Variants in FBLN2 observed in about 807,000 individuals in gnomAD.
The protein encoded by FBLN2 is fibulin-2.
A neutral mutation model predicts 123.7 loss-of-function variants in FBLN2; 81 were observed. The observed-to-expected ratio is 0.65, with a 90% CI of 0.55 to 0.79. The LOEUF (loss-of-function observed/expected upper bound fraction) is 0.79, where lower values mean the gene tolerates loss of function less well. Ranked by LOEUF, FBLN2 falls within the 30% of genes least tolerant of loss-of-function variation. The probability of loss-of-function intolerance (pLI) is 0.00; values close to 1 mark genes in which losing one functional copy is unlikely to be tolerated. For synonymous variants in FBLN2, 699 were observed against 701.4 expected, an observed-to-expected ratio of 1.00 and a Z score of 0.05; for missense variants, 1,603 against 1,681.3, an observed-to-expected ratio of 0.95 and a Z score of 0.81.
chr3:13,623,289 C>T (rs573460542), intron 9 of FBLN2, among the ~76,000 whole-genome samples: 11 of 152,336 alleles, frequency 7.2e-5, no homozygotes, highest in African/African-American at 1.2e-4. Flanking sequence ...TGCCCTCTCG[C>T]GGTGCCTGAG....
chr3:13,590,901 G>C (rs1304108034), intron 2 of FBLN2, among the ~76,000 whole-genome samples: 1 of 152,204 alleles, frequency 6.6e-6, no homozygotes, highest in Non-Finnish European at 1.5e-5. Flanking sequence ...GGAAGACTTA[G>C]GCATCCATGT....
intron 1 of FBLN2, among the ~76,000 whole-genome samples, chr3:13,555,037 C>T (rs1703425866): frequency 6.6e-6 from 1 of 151,642 alleles, no homozygotes; most frequent in African/African-American, 2.4e-5. Context: ...ACTGCAACCT[C>T]TGCCTCCCAG....
At chr3:13,597,518 C>G (rs1463199219) in intron 2 of FBLN2, among the ~76,000 whole-genome samples, 1 of 152,126 alleles carries the variant, frequency 6.6e-6, no homozygotes, top group East Asian at 1.9e-4. Context: ...TGCAGTATTC[C>G]CCTGTGACCT....
intron 1 of FBLN2, among the ~76,000 whole-genome samples, chr3:13,565,612 C>T (rs11712958): frequency 0.2 from 30,711 of 152,196 alleles, 3,291 homozygotes; most frequent in South Asian, 0.36. Flanking sequence ...TTTTTTAATG[C>T]CGTGATATAT....
At chr3:13,555,165 T>G (rs1331285457) in intron 1 of FBLN2, among the ~76,000 whole-genome samples, 1 of 152,054 alleles carries the variant, frequency 6.6e-6, no homozygotes, top group Non-Finnish European at 1.5e-5. Context: ...TTGGCCAGGC[T>G]GGTCTCAAAC....
At chr3:13,568,819 A>G (rs1201597253) in intron 1 of FBLN2, 2 of 985,396 alleles carry the variant, frequency 2.0e-6, no homozygotes, top group Admixed American at 1.2e-4. Flanking sequence ...TGGGTTTATT[A>G]TCTGCCCCTC....
chr3:13,580,451 G>T (rs527647328), intron 2 of FBLN2, among the ~76,000 whole-genome samples: 1 of 152,286 alleles, frequency 6.6e-6, no homozygotes, highest in South Asian at 2.1e-4. Flanking sequence ...AAACAGACAA[G>T]ACTGGAGCTG....
At chr3:13,615,264 G>T (rs770456808) in intron 5 of FBLN2, among the ~76,000 whole-genome samples, 1 of 152,248 alleles carries the variant, frequency 6.6e-6, no homozygotes, top group African/African-American at 2.4e-5. Flanking sequence ...TGCCGTGAGA[G>T]TCCTGGCAGG....
rs3732667 is a variant in FBLN2 at position 13,570,520 on chromosome 3, T to C, written c.165T>C (p.Cys55=). Reference sequence around the variant, plus strand: ...AGGCGCTGGAGCCGGGTGCCTGCTGTGCCACGTGTGTGCAGCAGGGCTGCG... The same window carrying C: ...AGGCGCTGGAGCCGGGTGCCTGCTGCGCCACGTGTGTGCAGCAGGGCTGCG... The part of the protein sequence containing the change: ...IEEALEPGAC[C]ATCVQQGCAC... Residue 55 remains cysteine (C), a synonymous_variant, in exon 2 of 18, where the codon TGT becomes TGC. Coordinates refer to ENST00000404922, the MANE Select transcript of FBLN2 (RefSeq NM_001004019.2). 0.11 allele frequency: 172,840 copies of C among 1,589,310 alleles called. 18,151 individuals are homozygous for C. Among genetic ancestry groups the C allele is most frequent in the East Asian group, 0.44 (19,061 of 43,684 alleles).
At chr3:13,591,794 A>T (rs1349292033) in intron 2 of FBLN2, among the ~76,000 whole-genome samples, 1 of 152,060 alleles carries the variant, frequency 6.6e-6, no homozygotes, top group Non-Finnish European at 1.5e-5. Context: ...AATATCCTAG[A>T]TGTTTTATTG....
At position 13,577,583 on chromosome 3, in the gene FBLN2, TAGG is replaced by T. The variant is rs1574955921; in HGVS notation, c.1306+5928_1306+5930del. 2.0e-5 allele frequency among the ~76,000 whole-genome samples: 3 copies of T among 152,320 alleles called. No homozygotes were observed. In the East Asian group the frequency reaches 5.8e-4, roughly 29 times the overall value. ...CTTATGTGTTAACAGGATCCCTGGC[TAGG>T]AGGAGTGGCAGAGTTGGTACAGGGC... On this transcript the variant is annotated intron_variant, in intron 2 of 17. Coordinates refer to ENST00000404922, the MANE Select transcript of FBLN2 (RefSeq NM_001004019.2).
At chr3:13,590,207 C>T (rs982396790) in intron 2 of FBLN2, among the ~76,000 whole-genome samples, 12 of 152,170 alleles carry the variant, frequency 7.9e-5, no homozygotes, top group Non-Finnish European at 1.8e-4. Context: ...TGGGGTCTAC[C>T]TATGTTGCCC....
chr3:13,579,622 G>A (rs1473532211), intron 2 of FBLN2, among the ~76,000 whole-genome samples: 1 of 152,332 alleles, frequency 6.6e-6, no homozygotes, highest in African/African-American at 2.4e-5. Context: ...TGCATGGAAA[G>A]TCCCCTTTCT....
At chr3:13,587,573 C>T (rs1048179289) in intron 2 of FBLN2, among the ~76,000 whole-genome samples, 1 of 152,206 alleles carries the variant, frequency 6.6e-6, no homozygotes, top group Non-Finnish European at 1.5e-5. Flanking sequence ...ACTTCCTTCT[C>T]AGCAGGCGCT....
intron 1 of FBLN2, among the ~76,000 whole-genome samples, chr3:13,563,094 C>G (rs530802550): frequency 7.6e-4 from 116 of 152,306 alleles, no homozygotes; most frequent in African/African-American, 2.7e-3. Flanking sequence ...AACTTGGATG[C>G]GCAAATATTA....
intron 2 of FBLN2, among the ~76,000 whole-genome samples, chr3:13,604,669 T>C (rs1705145758): frequency 6.6e-6 from 1 of 152,254 alleles, no homozygotes; most frequent in Non-Finnish European, 1.5e-5. Context: ...ATTTAATAAT[T>C]CAGTGGGGGA....
intron 2 of FBLN2, among the ~76,000 whole-genome samples, chr3:13,601,342 A>G (rs182678277): frequency 2.6e-5 from 4 of 152,338 alleles, no homozygotes. Flanking sequence ...GCCTGGGCAG[A>G]GTTGCCTCCT....
intron 2 of FBLN2, among the ~76,000 whole-genome samples, chr3:13,584,844 C>T (rs911196589): frequency 4.6e-5 from 7 of 152,246 alleles, no homozygotes. Context: ...TCCTCACATG[C>T]TCACACGGGA....
At chr3:13,568,155 G>T (rs931588855) in intron 1 of FBLN2, among the ~76,000 whole-genome samples, 11 of 152,138 alleles carry the variant, frequency 7.2e-5, no homozygotes, top group African/African-American at 2.4e-4. Context: ...CAGCCCTCGA[G>T]GCCCCAGAGG....
Sources: allele counts gnomAD v4.1 joint callset (sites outside exome capture counted in the v4.1 genomes callset), GRCh38; gene constraint gnomAD v4.1.1; transcripts MANE v1.5; gene names NCBI Gene and HGNC (gene_info 2026-07-23, HGNC 2026-07-21).